FOXO3: variants seen among roughly 807,000 people sequenced by gnomAD.
The protein encoded by FOXO3 is forkhead box protein O3.
A neutral mutation model predicts 41.9 loss-of-function variants in FOXO3; 4 were observed. The observed-to-expected ratio is 0.10, with a 90% confidence interval of 0.05 to 0.22. The LOEUF (loss-of-function observed/expected upper bound fraction) is 0.22. Among genes scored for constraint, FOXO3 ranks in the 10% least tolerant of loss-of-function variants. The pLI is 1.00. For missense variants in FOXO3, 534 were observed against 906.8 expected (o/e 0.59, Z 5.28); for synonymous variants, 318 against 389.3 (o/e 0.82, Z 2.16).
At chr6:108,672,988 C>T in intron 2 of FOXO3, among the ~76,000 whole-genome samples, 1 of 152,094 alleles carries the variant, frequency 6.6e-6, no homozygotes, top group East Asian at 1.9e-4. Context: ...AGTTAATTTC[C>T]AGTAGGCCTT....
intron 1 of FOXO3, among the ~76,000 whole-genome samples, chr6:108,656,106 TCCTCCTCCCACCCCA>T (rs1778678058): frequency 1.4e-5 from 2 of 142,666 alleles, no homozygotes; most frequent in South Asian, 4.5e-4. Context: ...CTCCAGACAG[TCCTCCTCCCACCCCA>T]CCCCACCCCA....
intron 1 of FOXO3, among the ~76,000 whole-genome samples, chr6:108,583,354 T>C (rs1173270192): frequency 6.6e-6 from 1 of 152,206 alleles, no homozygotes; most frequent in South Asian, 2.1e-4. Flanking sequence ...GTGGTAGCCC[T>C]ATTATCCAGA....
intron 1 of FOXO3, among the ~76,000 whole-genome samples, chr6:108,588,539 G>C (rs1304456720): frequency 2.6e-5 from 4 of 152,196 alleles, no homozygotes; most frequent in Non-Finnish European, 5.9e-5. Context: ...CAGACACACA[G>C]ACCATGGTCT....
chr6:108,574,084 C>T (rs1324372054), intron 1 of FOXO3, among the ~76,000 whole-genome samples: 6 of 138,720 alleles, frequency 4.3e-5, no homozygotes, highest in Admixed American at 3.1e-4. Flanking sequence ...CCTGGAGGGG[C>T]GGAGGTTGCA....
intron 1 of FOXO3, among the ~76,000 whole-genome samples, chr6:108,566,516 T>G (rs188452500): frequency 1.1e-3 from 167 of 152,312 alleles, no homozygotes; most frequent in Admixed American, 2.5e-3. Context: ...TAAGGCTGTT[T>G]AGGCTTGAGC....
intron 1 of FOXO3, among the ~76,000 whole-genome samples, chr6:108,624,590 T>C (rs1053388824): frequency 1.3e-5 from 2 of 152,204 alleles, no homozygotes; most frequent in Non-Finnish European, 2.9e-5. Context: ...ATCACCACCT[T>C]ATTTTTGCAG....
chr6:108,568,218 T>C (rs77030043), intron 1 of FOXO3, among the ~76,000 whole-genome samples: 5 of 149,454 alleles, frequency 3.3e-5, no homozygotes, highest in South Asian at 2.1e-4. Context: ...TCTCTCTCTT[T>C]TTTTTTTTTT....
At chr6:108,574,014 G>A (rs1353842914) in intron 1 of FOXO3, among the ~76,000 whole-genome samples, 3 of 152,006 alleles carry the variant, frequency 2.0e-5, no homozygotes, top group Non-Finnish European at 2.9e-5. Context: ...TTAGCTGGGC[G>A]TGGTGGCACA....
At chr6:108,582,893 C>T (rs1776470542) in intron 1 of FOXO3, among the ~76,000 whole-genome samples, 1 of 152,116 alleles carries the variant, frequency 6.6e-6, no homozygotes, top group South Asian at 2.1e-4. Context: ...GTTCATCTCA[C>T]CTGGACTGCT....
rs1778295444 is a variant in FOXO3 at position 108,642,797 on chromosome 6, TCTTAA to T, written c.622-20654_622-20650del. On this transcript the variant is annotated intron_variant, in intron 1 of 2. Coordinates refer to ENST00000406360, the MANE Select transcript of FOXO3 (RefSeq NM_001455.4). ...CTATCACTGAGACTATCATTTTAACTCTTAACTTGCATTGTTTTGGACAGTTGCTG... is the reference window on the plus strand; with the variant it reads ...CTATCACTGAGACTATCATTTTAACTCTTGCATTGTTTTGGACAGTTGCTG... Among the ~76,000 whole-genome samples the T allele has an allele frequency of 2.0e-5, 3 of 152,316 alleles. No individual in the cohort carries two copies. The South Asian group carries it at 6.2e-4, about 32-fold the overall frequency.
At chr6:108,656,995 T>C (rs1000300576) in intron 1 of FOXO3, among the ~76,000 whole-genome samples, 3 of 152,192 alleles carry the variant, frequency 2.0e-5, no homozygotes, top group Non-Finnish European at 2.9e-5. Context: ...GAAATGTGAA[T>C]TCCATCATGC....
chr6:108,615,958 C>A (rs1032907080), intron 1 of FOXO3, among the ~76,000 whole-genome samples: 2 of 151,648 alleles, frequency 1.3e-5, no homozygotes, highest in Non-Finnish European at 2.9e-5. Flanking sequence ...TTTTTTCCCT[C>A]TACCTTCTTA....
chr6:108,676,085 C>A (rs912239821), intron 2 of FOXO3, among the ~76,000 whole-genome samples: 2 of 152,104 alleles, frequency 1.3e-5, no homozygotes, highest in Non-Finnish European at 1.5e-5. Context: ...TGACAGCATC[C>A]GTAGATATTT....
intron 1 of FOXO3, among the ~76,000 whole-genome samples, chr6:108,565,694 T>C (rs1775931568): frequency 6.6e-6 from 1 of 152,220 alleles, no homozygotes; most frequent in Non-Finnish European, 1.5e-5. Flanking sequence ...TCTTCTTTCA[T>C]GTAAGAATGT....
intron 1 of FOXO3, among the ~76,000 whole-genome samples, chr6:108,647,359 G>A (rs1377669783): frequency 1.3e-5 from 2 of 152,174 alleles, no homozygotes; most frequent in Non-Finnish European, 2.9e-5. Context: ...TATTGTAGCT[G>A]GAGTGCTGTG....
intron 1 of FOXO3, among the ~76,000 whole-genome samples, chr6:108,568,235 G>A (rs1179105456): frequency 1.3e-5 from 2 of 148,518 alleles, no homozygotes; most frequent in African/African-American, 2.5e-5. Context: ...TTTTTTTAAA[G>A]CGTGTGTTCA....
chr6:108,606,347 C>G (rs1349775161), intron 1 of FOXO3, among the ~76,000 whole-genome samples: 1 of 152,164 alleles, frequency 6.6e-6, no homozygotes, highest in Non-Finnish European at 1.5e-5. Flanking sequence ...TTCCCAAGGG[C>G]GGTTTGTTGG....
At chr6:108,637,368 C>CT (rs907138496) in intron 1 of FOXO3, among the ~76,000 whole-genome samples, 5 of 152,090 alleles carry the variant, frequency 3.3e-5, no homozygotes, top group Non-Finnish European at 5.9e-5. Flanking sequence ...AGACAGAGGG[C>CT]TTTGTCCCAG....
intron 1 of FOXO3, among the ~76,000 whole-genome samples, chr6:108,634,177 A>G (rs1359833073): frequency 1.3e-5 from 2 of 152,174 alleles, no homozygotes. Flanking sequence ...AGGAGGCATG[A>G]AAGAAAAATG....
Sources: allele counts gnomAD v4.1 joint callset (sites outside exome capture counted in the v4.1 genomes callset), GRCh38; gene constraint gnomAD v4.1.1; transcripts MANE v1.5; gene names NCBI Gene and HGNC (gene_info 2026-07-23, HGNC 2026-07-21).